LMBR1: variants seen among roughly 807,000 people sequenced by gnomAD.
The protein encoded by LMBR1 is limb development membrane protein 1, also known as limb region 1 protein homolog.
LMBR1 carries 52 observed loss-of-function variants against 73.9 expected under a neutral mutation model. The observed-to-expected ratio is 0.70, with a 90% confidence interval of 0.56 to 0.89. The LOEUF (loss-of-function observed/expected upper bound fraction) is 0.89. Among genes scored for constraint, LMBR1 ranks in the 40% least tolerant of loss-of-function variants. LMBR1 has a pLI of 0.00. For missense variants in LMBR1, 539 were observed against 579.8 expected (o/e 0.93, Z 0.72); for synonymous variants, 215 against 209.4 (o/e 1.03, Z -0.23).
intron 1 of LMBR1, among the ~76,000 whole-genome samples, chr7:156,857,714 G>C (rs749871944): frequency 1.4e-4 from 21 of 152,120 alleles, no homozygotes; most frequent in Non-Finnish European, 3.1e-4. Context: ...GGTTCATAAA[G>C]AATACCTTAA....
At position 156,685,341 on chromosome 7, in the gene LMBR1, AAC is replaced by A. The variant is rs1233583935; in HGVS notation, c.1388-1180_1388-1179del. ...AAAATGAAACACAATGACATACAGC[AAC>A]ACAGTCAGGTGTTGCCGAACAACAG... On this transcript the variant is annotated intron_variant, in intron 16 of 16. Transcript: ENST00000353442. This position sits in a 1 kb window ranked among gnomAD's most constrained non-coding sequence, Gnocchi z 4.1. 3.3e-5 allele frequency among the ~76,000 whole-genome samples: 5 copies of A among 152,246 alleles called. No homozygotes were observed. Among genetic ancestry groups the A allele is most frequent in the Non-Finnish European group, 5.9e-5 (4 of 68,046 alleles).
intron 8 of LMBR1, among the ~76,000 whole-genome samples, chr7:156,761,715 G>A (rs752406297): frequency 7.2e-5 from 11 of 152,188 alleles, no homozygotes; most frequent in East Asian, 3.9e-4. Context: ...GGTGGCTCAC[G>A]CCTGTAATCC....
intron 10 of LMBR1, among the ~76,000 whole-genome samples, chr7:156,732,579 A>G (rs11769873): frequency 0.035 from 5,319 of 152,246 alleles, 137 homozygotes; most frequent in Non-Finnish European, 0.045. Flanking sequence ...TAAAGAAAGA[A>G]CCACCCCAAA....
Position 156,816,056 on chromosome 7 carries a change from A to G in LMBR1, c.319+10549T>C, listed in dbSNP as rs539768667. ...AAATTCAAATTCTTCTCTAGATGTC[A>G]AAGTTAAAAAAATAAAACTTTGCCT... is the stretch of plus-strand genomic sequence containing the variant. On this transcript the variant is annotated intron_variant, in intron 4 of 16. Transcript: ENST00000353442. Among the ~76,000 whole-genome samples the G allele has an allele frequency of 1.7e-3, 266 of 152,198 alleles. 1 individual carries two copies. The highest frequency in any genetic ancestry group is 5.7e-3 in the African/African-American group (239 of 41,566).
chr7:156,796,632 T>C, intron 4 of LMBR1, 140 bp from the exon 5 acceptor site: 2 of 466,554 alleles, frequency 4.3e-6, no homozygotes, highest in Non-Finnish European at 7.5e-6. Flanking sequence ...AAAATAATTA[T>C]AGTATGTATT....
At chr7:156,841,576 A>T (rs1838708249) in intron 1 of LMBR1, among the ~76,000 whole-genome samples, 1 of 152,126 alleles carries the variant, frequency 6.6e-6, no homozygotes, top group Non-Finnish European at 1.5e-5. Flanking sequence ...AAGAGACTAG[A>T]TGTCTTGAAA....
intron 5 of LMBR1, among the ~76,000 whole-genome samples, chr7:156,788,550 T>A (rs1159277433): frequency 6.6e-6 from 1 of 150,582 alleles, no homozygotes; most frequent in Admixed American, 6.6e-5. Flanking sequence ...ATGAGCATTC[T>A]CCCCTGCCCT....
chr7:156,692,735 C>T (rs1370370143), intron 15 of LMBR1, among the ~76,000 whole-genome samples: 2 of 152,174 alleles, frequency 1.3e-5, no homozygotes, highest in African/African-American at 4.8e-5. Flanking sequence ...AAGGATGACA[C>T]AGTGGCCAGT....
At chr7:156,877,659 G>A (rs181386274) in intron 1 of LMBR1, among the ~76,000 whole-genome samples, 22 of 152,184 alleles carry the variant, frequency 1.4e-4, no homozygotes, top group African/African-American at 4.6e-4. Context: ...CGAGGTGGGC[G>A]GATCACGAGG....
At chr7:156,809,050 G>T (rs754280600) in intron 4 of LMBR1, among the ~76,000 whole-genome samples, 11 of 152,078 alleles carry the variant, frequency 7.2e-5, no homozygotes, top group Non-Finnish European at 1.6e-4. Context: ...CTAAACACAG[G>T]ATTTTTAAAA....
At chr7:156,887,389 G>C (rs1802094543) in intron 1 of LMBR1, among the ~76,000 whole-genome samples, 1 of 151,258 alleles carries the variant, frequency 6.6e-6, no homozygotes, top group African/African-American at 2.4e-5. Flanking sequence ...CCTGAACCCG[G>C]GAGGCGGAGG....
chr7:156,776,038 A>ATT (rs1249033803), intron 5 of LMBR1, among the ~76,000 whole-genome samples: 2 of 149,386 alleles, frequency 1.3e-5, no homozygotes, highest in East Asian at 3.9e-4. Flanking sequence ...TCGAATGAGT[A>ATT]TTATATATAT....
intron 8 of LMBR1, among the ~76,000 whole-genome samples, chr7:156,759,547 T>C (rs1455306918): frequency 6.6e-6 from 1 of 152,228 alleles, no homozygotes; most frequent in East Asian, 1.9e-4. Flanking sequence ...AAATTATGTG[T>C]GTAAAATATA....
chr7:156,763,901 A>T (rs1232462453), intron 5 of LMBR1, 106 bp from the exon 6 acceptor site: 10 of 834,742 alleles, frequency 1.2e-5, no homozygotes, highest in African/African-American at 1.8e-5. Context: ...AAGGAGAGGA[A>T]ATTTATATTT....
At chr7:156,866,267 G>A (rs1798445861) in intron 1 of LMBR1, among the ~76,000 whole-genome samples, 1 of 152,100 alleles carries the variant, frequency 6.6e-6, no homozygotes, top group Non-Finnish European at 1.5e-5. Context: ...AGTGACAGGC[G>A]ATTGCAATCC....
At chr7:156,772,889 G>C (rs1413536014) in intron 5 of LMBR1, among the ~76,000 whole-genome samples, 4 of 151,854 alleles carry the variant, frequency 2.6e-5, no homozygotes, top group African/African-American at 9.7e-5. Context: ...GGGGAGAGGA[G>C]AGGCATTCAT....
chr7:156,768,926 G>C (rs994684617), intron 5 of LMBR1, among the ~76,000 whole-genome samples: 1 of 152,112 alleles, frequency 6.6e-6, no homozygotes, highest in Admixed American at 6.5e-5. Flanking sequence ...AGGCAGGAGA[G>C]GCACCTGCTA....
At chr7:156,859,296 G>A (rs970105180) in intron 1 of LMBR1, among the ~76,000 whole-genome samples, 1 of 150,468 alleles carries the variant, frequency 6.6e-6, no homozygotes, top group African/African-American at 2.4e-5. Context: ...CTGGAATCAA[G>A]GCAAAGATAT....
At chr7:156,705,238 G>A (rs1810664262) in intron 15 of LMBR1, among the ~76,000 whole-genome samples, 1 of 152,202 alleles carries the variant, frequency 6.6e-6, no homozygotes, top group African/African-American at 2.4e-5. Context: ...GAAAAAAAAT[G>A]AGAGGGCATA....
Sources: gnomAD v4.1 joint callset for allele counts (sites outside exome capture counted in the v4.1 genomes callset) on GRCh38, gnomAD v4.1.1 for gene constraint, Gnocchi (gnomAD v3.1) non-coding constraint, MANE v1.5 for transcripts, NCBI Gene and HGNC (gene_info 2026-07-23, HGNC 2026-07-21) for gene names.